Variants in RBM28 observed in about 807,000 individuals in gnomAD.
RBM28 encodes the protein RNA binding motif protein 28, also known as RNA-binding protein 28.
Under a neutral mutation model 98.3 loss-of-function variants are expected in RBM28, and 78 were observed. The observed-to-expected ratio is 0.79, with a 90% CI of 0.66 to 0.96. RBM28 has a LOEUF of 0.96. Ranked by LOEUF, RBM28 falls within the 40% of genes least tolerant of loss-of-function variation. The pLI is 0.00. For missense variants in RBM28, 838 were observed against 913.0 expected (o/e 0.92, Z 1.06); for synonymous variants, 306 against 330.9 (o/e 0.92, Z 0.82).
rs1204674838 is a variant in RBM28, at chr7:128,300,220, A to T, written c.*10577T>A. The T allele has an allele frequency of 6.6e-6, 1 of 152,232 alleles. No individual in the cohort carries two copies. Among genetic ancestry groups the T allele is most frequent in the Non-Finnish European group, 1.5e-5 (1 of 68,044 alleles). The allele number at this position is 152,232 out of a possible 1,614,324, so 9.4% of individuals were successfully genotyped here. On this transcript the variant is annotated 3_prime_UTR_variant, in exon 19 of 19. Coordinates refer to ENST00000223073, the MANE Select transcript of RBM28 (RefSeq NM_018077.3). ...GTTTTCACAAAGAAGCTCAAAGTGG[A>T]GGAATGATCTCTGGACATGAAGCCT...
At position 128,321,368 on chromosome 7, in the gene RBM28, G is replaced by A. The variant is rs1365904508; in HGVS notation, c.1461C>T (p.Thr487=). 4 of 1,614,198 alleles carry A rather than the reference G, an allele frequency of 2.5e-6. No homozygotes were observed. Among genetic ancestry groups the A allele is most frequent in the Non-Finnish European group, 1.7e-6 (2 of 1,180,040 alleles). Residue 487 remains threonine (T), a synonymous_variant, in exon 14 of 19, where the codon ACC becomes ACT. Coordinates refer to ENST00000223073, the MANE Select transcript of RBM28 (RefSeq NM_018077.3). ...LKDQNIFVSR[T]RLCLHNLPKA... is the part of the protein sequence containing the mutation. ...TTGGGAGATTGTGCAGGCAGAGCCT[G>A]GTTCGGGAGACAAAGATATTCTGGT...
At position 128,330,729 on chromosome 7, in the gene RBM28, A is replaced by C. The variant is rs1796462006; in HGVS notation, c.1129+90T>G. 1.6e-5 allele frequency: 15 copies of C among 965,518 alleles called. No homozygotes were observed. The East Asian group carries it at 3.3e-4, about 21-fold the overall frequency. 59.8% of individuals were successfully genotyped at this position (965,518 alleles called of 1,614,324 possible). On this transcript the variant is annotated intron_variant, in intron 10 of 18. Transcript: ENST00000223073. Reference sequence around the variant, plus strand: ...GGCTGGATGGACTGTGAACCCCTCAAAATGGCACACATTATGCTCTCGTAA... The same window carrying C: ...GGCTGGATGGACTGTGAACCCCTCACAATGGCACACATTATGCTCTCGTAA...
chr7:128,298,493 A>G lies in RBM28; in HGVS notation c.*12304T>C, dbSNP rs1027848606. ...GAAATATTGGGGGTGGGTTCCCCCA[A>G]TACTTCTGTATTTTTCAGATTCTCT... is the stretch of plus-strand genomic sequence containing the variant. On this transcript the variant is annotated 3_prime_UTR_variant, in exon 19 of 19. Transcript: ENST00000223073. 2.0e-5 allele frequency: 3 copies of G among 152,292 alleles called. No homozygotes were observed. Among genetic ancestry groups the G allele is most frequent in the African/African-American group, 4.8e-5 (2 of 41,552 alleles). The allele number at this position is 152,292 out of a possible 1,614,324, so 9.4% of individuals were successfully genotyped here. A position where few individuals can be genotyped will look rare whatever the true frequency, so the allele number is the denominator to read the frequency against.
At chr7:128,332,703 G>A (rs754403369) in intron 9 of RBM28, among the ~76,000 whole-genome samples, 3 of 152,060 alleles carry the variant, frequency 2.0e-5, no homozygotes, top group Non-Finnish European at 2.9e-5. Context: ...CTCTAAAATC[G>A]GATGCAAATG....
intron 11 of RBM28, among the ~76,000 whole-genome samples, chr7:128,325,557 G>A (rs1213423586): frequency 6.6e-6 from 1 of 152,090 alleles, no homozygotes; most frequent in Non-Finnish European, 1.5e-5. Flanking sequence ...CAGACAGCAA[G>A]CAACAAATAT....
intron 8 of RBM28, 94 bp downstream of exon 8, chr7:128,335,449 A>G (rs1301525094): frequency 5.4e-6 from 8 of 1,480,360 alleles, no homozygotes; most frequent in African/African-American, 1.4e-5. Flanking sequence ...TTAGAGTCCT[A>G]TTTAAAAAGA....
At position 128,302,034 on chromosome 7, in the gene RBM28, T is replaced by C. The variant is rs1328652346; in HGVS notation, c.*8763A>G. On this transcript the variant is annotated 3_prime_UTR_variant, in exon 19 of 19. Transcript: ENST00000223073. ...TTTGCCTCCTACAGATTTCCCTTCT[T>C]TCTCTTCTTCTGGGCCTCTGGGCCA... is the stretch of plus-strand genomic sequence containing the variant. 1 of 152,198 alleles carries C rather than the reference T, an allele frequency of 6.6e-6. No homozygotes were observed. Among genetic ancestry groups the C allele is most frequent in the Admixed American group, 6.5e-5 (1 of 15,284 alleles). The allele number at this position is 152,198 out of a possible 1,614,324, so 9.4% of individuals were successfully genotyped here. A position where few individuals can be genotyped will look rare whatever the true frequency, so the allele number is the denominator to read the frequency against.
At chr7:128,333,821 A>G (rs1796538681) in intron 8 of RBM28, among the ~76,000 whole-genome samples, 1 of 152,220 alleles carries the variant, frequency 6.6e-6, no homozygotes, top group South Asian at 2.1e-4. Context: ...AGCACAAGAA[A>G]TGAGATACTA....
intron 16 of RBM28, 40 bp from the exon 17 acceptor site, chr7:128,315,060 G>C (rs780988463): frequency 8.1e-6 from 13 of 1,613,476 alleles, no homozygotes; most frequent in African/African-American, 1.3e-5. Flanking sequence ...TTCTGGATGA[G>C]CTTTGTTTGC....
chr7:128,320,510 G>A (rs1412747097), intron 14 of RBM28, among the ~76,000 whole-genome samples: 1 of 152,162 alleles, frequency 6.6e-6, no homozygotes, highest in South Asian at 2.1e-4. Flanking sequence ...GTCTAACCAA[G>A]TTGGTGTGAA....
In RBM28 at chr7:128,323,601, G is replaced by C; in HGVS notation, c.1340-10C>G. On this transcript the variant is annotated splice_polypyrimidine_tract_variant and intron_variant, in intron 12 of 18. Coordinates refer to ENST00000223073, the MANE Select transcript of RBM28 (RefSeq NM_018077.3). The stretch of plus-strand genomic sequence containing the variant: ...GTCCCAGCACGAATCACTGCAGAAA[G>C]AGGGAAAAAGGCCAAGACATCAACA... 2 of 1,614,050 alleles carry C rather than the reference G, an allele frequency of 1.2e-6. No individual in the cohort carries two copies. The highest frequency in any genetic ancestry group is 2.2e-5 in the East Asian group (1 of 44,886).
chr7:128,343,557 C>G (rs1374484274), intron 1 of RBM28, 119 bp downstream of exon 1: 1 of 689,622 alleles, frequency 1.5e-6, no homozygotes, highest in Non-Finnish European at 2.4e-6. Flanking sequence ...GGAAAAGAAA[C>G]TCAGTTCCCT....
chr7:128,323,925 A>G (rs1038252863), intron 12 of RBM28, among the ~76,000 whole-genome samples: 4 of 152,228 alleles, frequency 2.6e-5, no homozygotes, highest in Non-Finnish European at 4.4e-5. Context: ...TTTAGAATGC[A>G]CAATGTTCCA....
At chr7:128,324,957 C>T (rs773641903) in intron 11 of RBM28, among the ~76,000 whole-genome samples, 2 of 152,006 alleles carry the variant, frequency 1.3e-5, no homozygotes, top group Non-Finnish European at 2.9e-5. Context: ...TTGCAGTGAG[C>T]GGACATCGCG....
chr7:128,316,208 C>A (rs1796104927), intron 16 of RBM28, among the ~76,000 whole-genome samples: 1 of 152,038 alleles, frequency 6.6e-6, no homozygotes, highest in South Asian at 2.1e-4. Flanking sequence ...GATGCATTCA[C>A]AAATAAACCA....
At chr7:128,321,117 G>A (rs991496751) in intron 14 of RBM28, 149 bp downstream of exon 14, 2 of 1,090,294 alleles carry the variant, frequency 1.8e-6, no homozygotes, top group Non-Finnish European at 2.7e-6. Flanking sequence ...AGTGAGTCAA[G>A]ATTGCACCGC....
At chr7:128,315,136 C>T (rs568501820) in intron 16 of RBM28, 116 bp from the exon 17 acceptor site, 113 of 1,462,548 alleles carry the variant, frequency 7.7e-5, no homozygotes, top group Non-Finnish European at 1.0e-4. Flanking sequence ...TCTTCCCCCA[C>T]ACAATTGGAG....
At position 128,341,620 on chromosome 7, in the gene RBM28, A is replaced by T. The variant is rs545453940; in HGVS notation, c.119-1829T>A. ...ATAGGAAAGTGCATAGTTTTTTAAA[A>T]GGAAGTAAGAGATTTTTAAGGATTT... On this transcript the variant is annotated intron_variant, in intron 1 of 18. Transcript: ENST00000223073. Among the ~76,000 whole-genome samples the T allele has an allele frequency of 5.9e-5, 9 of 152,296 alleles. No individual in the cohort carries two copies. The South Asian group carries it at 1.7e-3, about 28-fold the overall frequency.
Position 128,338,276 on chromosome 7 carries a change from T to C in RBM28, c.515A>G (p.Lys172Arg). The change falls in exon 5 of 19, where the codon AAA (lysine) becomes AGA (arginine). Residue 172 changes from lysine (K) to arginine (R), a missense_variant. Coordinates refer to ENST00000223073, the MANE Select transcript of RBM28 (RefSeq NM_018077.3). ...TTTTATCTCTTTCATGTTCATGCCT[T>C]TGAGAGCTTTACCTGCTTCTAGGAG... ...KNLLEAGKAL[K>R]GMNMKEIKGR... 1 of 1,614,172 alleles carries C rather than the reference T, an allele frequency of 6.2e-7. No individual in the cohort carries two copies. The highest frequency in any genetic ancestry group is 1.3e-5 in the African/African-American group (1 of 75,068).
Sources: gnomAD v4.1 joint callset for allele counts (sites outside exome capture counted in the v4.1 genomes callset) on GRCh38, gnomAD v4.1.1 for gene constraint, MANE v1.5 for transcripts, NCBI Gene and HGNC (gene_info 2026-07-23, HGNC 2026-07-21) for gene names.